Variants in PCGF5 observed in about 807,000 individuals in gnomAD.
The protein encoded by PCGF5 is polycomb group ring finger 5.
A neutral mutation model predicts 44.3 loss-of-function variants in PCGF5; 9 were observed. The ratio of observed to expected loss-of-function variants is 0.20; its 90% CI spans 0.12 to 0.35. PCGF5 has a LOEUF of 0.35. Ranked by LOEUF, PCGF5 falls within the 10% of genes least tolerant of loss-of-function variation. The probability of loss-of-function intolerance (pLI) is 1.00; values close to 1 mark genes in which losing one functional copy is unlikely to be tolerated. For missense variants in PCGF5, 146 were observed against 305.3 expected (o/e 0.48, Z 3.89); for synonymous variants, 95 against 102.5 (o/e 0.93, Z 0.44).
chr10:91,164,122 G>A (rs1197782063), intron 1 of PCGF5, among the ~76,000 whole-genome samples: 1 of 152,218 alleles, frequency 6.6e-6, no homozygotes, highest in Non-Finnish European at 1.5e-5. Context: ...ACACACACGC[G>A]CGCGTACTCG....
intron 1 of PCGF5, among the ~76,000 whole-genome samples, chr10:91,221,571 G>T (rs2133276308): frequency 6.6e-6 from 1 of 152,324 alleles, no homozygotes; most frequent in East Asian, 1.9e-4. Flanking sequence ...CAGTGGGTAT[G>T]TGTTGATGGA....
chr10:91,167,166 A>T (rs1265947428), intron 1 of PCGF5, among the ~76,000 whole-genome samples: 1 of 151,642 alleles, frequency 6.6e-6, no homozygotes, highest in African/African-American at 2.4e-5. Context: ...ATTAACTTTT[A>T]TGATAAGTAC....
At position 91,280,149 on chromosome 10, in the gene PCGF5, A is replaced by G. The variant is rs1019946165; in HGVS notation, c.*1833A>G. Reference sequence around the variant, plus strand: ...AATGGCTGAAAAAACTGAATTTACTATCTAGCTACAGAAATTATTTTTCTA... The same window carrying G: ...AATGGCTGAAAAAACTGAATTTACTGTCTAGCTACAGAAATTATTTTTCTA... On this transcript the variant is annotated 3_prime_UTR_variant, in exon 10 of 10. Coordinates refer to ENST00000336126, the MANE Select transcript of PCGF5 (RefSeq NM_032373.5). 1.3e-5 allele frequency: 2 copies of G among 152,182 alleles called. No individual in the cohort carries two copies. The highest frequency in any genetic ancestry group is 4.8e-5 in the African/African-American group (2 of 41,566). 9.4% of individuals were successfully genotyped at this position (152,182 alleles called of 1,614,324 possible).
chr10:91,161,299 A>T (rs888952323), upstream of PCGF5, among the ~76,000 whole-genome samples: 4 of 151,998 alleles, frequency 2.6e-5, no homozygotes, highest in African/African-American at 9.7e-5. Flanking sequence ...ATTGCTATTG[A>T]CTCGCTTGGG....
At chr10:91,159,030 CA>C (rs1259553227), upstream of PCGF5, among the ~76,000 whole-genome samples, 1 of 152,158 alleles carries the variant, frequency 6.6e-6, no homozygotes, top group Non-Finnish European at 1.5e-5. Context: ...AAGCAGGAAG[CA>C]GGAAGCAGGA....
intron 1 of PCGF5, among the ~76,000 whole-genome samples, chr10:91,164,106 C>T (rs1030601542): frequency 2.0e-5 from 3 of 151,826 alleles, no homozygotes; most frequent in African/African-American, 4.8e-5. Context: ...ATGATTCATG[C>T]GGGGTACACA....
intron 2 of PCGF5, among the ~76,000 whole-genome samples, chr10:91,231,986 C>T (rs1233950738): frequency 1.3e-5 from 2 of 152,252 alleles, no homozygotes; most frequent in East Asian, 1.9e-4. Flanking sequence ...GGACTTATGA[C>T]TCCTGGAATG....
At chr10:91,270,662 TA>T (rs771347135) in intron 8 of PCGF5, among the ~76,000 whole-genome samples, 2 of 152,208 alleles carry the variant, frequency 1.3e-5, no homozygotes, top group Non-Finnish European at 2.9e-5. Flanking sequence ...AGGCTACAAA[TA>T]TATTTGTTTT....
chr10:91,184,909 A>G (rs774587932), intron 1 of PCGF5, among the ~76,000 whole-genome samples: 1 of 152,152 alleles, frequency 6.6e-6, no homozygotes, highest in East Asian at 1.9e-4. Context: ...CCAGGGAGTT[A>G]TGGACCTGTT....
At chr10:91,221,856 A>G (rs948934632) in intron 1 of PCGF5, among the ~76,000 whole-genome samples, 11 of 152,248 alleles carry the variant, frequency 7.2e-5, no homozygotes, top group Non-Finnish European at 1.3e-4. Flanking sequence ...ATAAATCAAA[A>G]TAAAAGGCAA....
chr10:91,263,001 A>G (rs2133420961), intron 7 of PCGF5, among the ~76,000 whole-genome samples: 1 of 152,358 alleles, frequency 6.6e-6, no homozygotes, highest in South Asian at 2.1e-4. Context: ...TCTGGCATGT[A>G]TATATTTCGC....
At chr10:91,271,118 TCTA>T (rs1223649106) in intron 8 of PCGF5, among the ~76,000 whole-genome samples, 2 of 150,848 alleles carry the variant, frequency 1.3e-5, no homozygotes, top group East Asian at 3.9e-4. Context: ...ATATATATAA[TCTA>T]ATATATATAT....
chr10:91,198,624 C>T (rs1019934576), intron 1 of PCGF5, among the ~76,000 whole-genome samples: 5 of 152,218 alleles, frequency 3.3e-5, no homozygotes, highest in African/African-American at 1.2e-4. Context: ...TTGTCTCTGT[C>T]CTTCGATCTT....
intron 2 of PCGF5, among the ~76,000 whole-genome samples, chr10:91,235,015 T>G (rs1184848016): frequency 6.6e-6 from 1 of 152,202 alleles, no homozygotes. Flanking sequence ...ATAAAGTGAC[T>G]TCTGATGATG....
chr10:91,261,716 A>G (rs1345342845), intron 7 of PCGF5, among the ~76,000 whole-genome samples: 1 of 152,242 alleles, frequency 6.6e-6, no homozygotes, highest in African/African-American at 2.4e-5. Flanking sequence ...TACCAGCTAA[A>G]TGTATTCATG....
intron 8 of PCGF5, among the ~76,000 whole-genome samples, chr10:91,267,563 T>C (rs896045215): frequency 3.3e-5 from 5 of 152,244 alleles, no homozygotes; most frequent in Admixed American, 1.3e-4. Flanking sequence ...AAATATATCC[T>C]ACAGATAATT....
chr10:91,207,463 A>G (rs1844368164), intron 1 of PCGF5, among the ~76,000 whole-genome samples: 1 of 152,206 alleles, frequency 6.6e-6, no homozygotes, highest in South Asian at 2.1e-4. Context: ...TCAATGAACC[A>G]TTTAAGAATA....
intron 2 of PCGF5, chr10:91,227,586 A>C: frequency 1.7e-6 from 2 of 1,175,090 alleles, no homozygotes; most frequent in Non-Finnish European, 2.1e-6. Context: ...ATTACATCTC[A>C]CCAAAGCCAC....
rs147339302 is a variant in PCGF5, at chr10:91,276,935, TG to T, written c.724-1333del. Among the ~76,000 whole-genome samples the T allele has an allele frequency of 1.3e-4, 20 of 152,358 alleles. 1 individual carries two copies. The East Asian group carries it at 3.9e-3, about 29-fold the overall frequency. On this transcript the variant is annotated intron_variant, in intron 9 of 9. Coordinates refer to ENST00000336126, the MANE Select transcript of PCGF5 (RefSeq NM_032373.5). ...AGAGTTTAGTAAAATGGAGATAATC[TG>T]TGTCTTGCTCCCTCCCAGGTAATCT...
Sources: allele counts gnomAD v4.1 joint callset (sites outside exome capture counted in the v4.1 genomes callset), GRCh38; gene constraint gnomAD v4.1.1; transcripts MANE v1.5; gene names NCBI Gene and HGNC (gene_info 2026-07-23, HGNC 2026-07-21).